The following STK32C variants were observed in gnomAD, a reference collection of about 807,000 sequenced individuals.
The protein encoded by STK32C is serine/threonine-protein kinase 32C.
A neutral mutation model predicts 56.5 loss-of-function variants in STK32C; 31 were observed. The observed-to-expected ratio is 0.55, with a 90% CI of 0.41 to 0.74. The LOEUF (loss-of-function observed/expected upper bound fraction) is 0.74. STK32C is among the 30% of genes least tolerant of loss of function. The pLI, the probability that STK32C is intolerant of heterozygous loss-of-function variation, is 0.00. For missense variants in STK32C, 544 were observed against 676.9 expected (o/e 0.80, Z 2.18); for synonymous variants, 309 against 289.4 (o/e 1.07, Z -0.69).
chr10:132,288,582 A>T (rs2065480094), intron 1 of STK32C, among the ~76,000 whole-genome samples: 1 of 152,258 alleles, frequency 6.6e-6, no homozygotes. Flanking sequence ...AAACTCATTA[A>T]ATCTCAACCT....
chr10:132,275,682 G>C (rs12784998), intron 1 of STK32C, among the ~76,000 whole-genome samples: 1 of 152,210 alleles, frequency 6.6e-6, no homozygotes, highest in South Asian at 2.1e-4. Context: ...TCATGCCGCA[G>C]GGATGAGGAC....
upstream of STK32C, among the ~76,000 whole-genome samples, chr10:132,308,346 A>T (rs368230465): frequency 1.3e-5 from 2 of 152,126 alleles, no homozygotes; most frequent in East Asian, 3.9e-4. Flanking sequence ...CGGCGGCGGG[A>T]CCTTCTCGCG....
intron 1 of STK32C, among the ~76,000 whole-genome samples, chr10:132,287,131 C>T (rs549846160): frequency 1.2e-4 from 18 of 152,200 alleles, no homozygotes; most frequent in Non-Finnish European, 2.1e-4. Context: ...AGCTAGGAAA[C>T]GGTGCTGAGA....
At chr10:132,242,564 C>T (rs1158611189) in intron 2 of STK32C, among the ~76,000 whole-genome samples, 2 of 152,096 alleles carry the variant, frequency 1.3e-5, no homozygotes, top group Non-Finnish European at 2.9e-5. Context: ...GGATCCACCC[C>T]CGCCTCAGGC....
intron 1 of STK32C, among the ~76,000 whole-genome samples, chr10:132,257,993 G>A (rs771889284): frequency 9.2e-5 from 14 of 152,184 alleles, no homozygotes; most frequent in Admixed American, 4.6e-4. Flanking sequence ...CACCTGCCCC[G>A]GGAAATCGGT....
At chr10:132,301,714 C>T (rs529408493) in intron 1 of STK32C, among the ~76,000 whole-genome samples, 22 of 152,228 alleles carry the variant, frequency 1.4e-4, no homozygotes, top group Non-Finnish European at 2.5e-4. Context: ...AGGAGCTGCA[C>T]GTCGGCCACG....
chr10:132,321,111 T>G (rs573798914), downstream of STK32C, among the ~76,000 whole-genome samples: 1 of 152,144 alleles, frequency 6.6e-6, no homozygotes, highest in Admixed American at 6.5e-5. Context: ...GCCTGACTGG[T>G]CAAAGGGATG....
intron 1 of STK32C, among the ~76,000 whole-genome samples, chr10:132,329,198 T>C (rs1452759653): frequency 6.6e-6 from 1 of 152,238 alleles, no homozygotes; most frequent in Non-Finnish European, 1.5e-5. Flanking sequence ...GTGGATGGCT[T>C]GAGCTCAGGA....
At chr10:132,217,137 A>C (rs1324356918) in intron 10 of STK32C, among the ~76,000 whole-genome samples, 1 of 152,244 alleles carries the variant, frequency 6.6e-6, no homozygotes. Flanking sequence ...AGCAGCCGGG[A>C]GGAAGGCTGT....
At chr10:132,261,826 T>C (rs185052572) in intron 1 of STK32C, among the ~76,000 whole-genome samples, 1 of 152,260 alleles carries the variant, frequency 6.6e-6, no homozygotes, top group Non-Finnish European at 1.5e-5. Flanking sequence ...CATCCCATGC[T>C]AACAGATTGG....
At chr10:132,293,170 C>A (rs1022534257) in intron 1 of STK32C, among the ~76,000 whole-genome samples, 1 of 152,200 alleles carries the variant, frequency 6.6e-6, no homozygotes, top group African/African-American at 2.4e-5. Context: ...GGCCTGGGGC[C>A]AGGGGGCTGG....
At chr10:132,300,482 G>A (rs960832126) in intron 1 of STK32C, among the ~76,000 whole-genome samples, 1 of 152,260 alleles carries the variant, frequency 6.6e-6, no homozygotes, top group Admixed American at 6.5e-5. Context: ...CTCCTGCCCA[G>A]CCATGCTGAT....
chr10:132,238,671 G>A (rs895263552), intron 2 of STK32C, among the ~76,000 whole-genome samples: 1 of 152,120 alleles, frequency 6.6e-6, no homozygotes, highest in Non-Finnish European at 1.5e-5. Flanking sequence ...AAAGGCAAGT[G>A]TTTCTGATCT....
intron 2 of STK32C, among the ~76,000 whole-genome samples, chr10:132,235,083 ATGAACTGTGTGAGTGGTG>A (rs1459912162): frequency 6.6e-6 from 1 of 152,024 alleles, no homozygotes; most frequent in African/African-American, 2.4e-5. Context: ...TGTGACTGGT[ATGAACTGTGTGAGTGGTG>A]TGAGCTGTGT....
chr10:132,263,406 A>T (rs1182134931), intron 1 of STK32C, among the ~76,000 whole-genome samples: 2 of 152,148 alleles, frequency 1.3e-5, no homozygotes, highest in Non-Finnish European at 2.9e-5. Flanking sequence ...ACGTGGACAT[A>T]AAGACAGGAA....
chr10:132,332,019 A>G (rs928431764), upstream of STK32C: 16 of 337,708 alleles, frequency 4.7e-5, no homozygotes, highest in Non-Finnish European at 7.3e-5. Context: ...GCGCAGGGGC[A>G]CCCACACCCC....
chr10:132,291,796 C>T (rs1321193999), intron 1 of STK32C, among the ~76,000 whole-genome samples: 2 of 151,018 alleles, frequency 1.3e-5, no homozygotes, highest in African/African-American at 4.9e-5. Flanking sequence ...CACTGAAGAC[C>T]CTCAGGCTGC....
At chr10:132,331,826 G>A (rs200894466) in exon 1 of STK32C, 2 of 1,543,976 alleles carry the variant, frequency 1.3e-6, no homozygotes, top group Non-Finnish European at 1.8e-6. Context: ...ACCCCTTCAA[G>A]GCCGCGGGCG....
At chr10:132,325,153 T>C (rs2066471093) in intron 1 of STK32C, among the ~76,000 whole-genome samples, 1 of 152,122 alleles carries the variant, frequency 6.6e-6, no homozygotes, top group African/African-American at 2.4e-5. Flanking sequence ...TTCCCACATG[T>C]TGTGGGAGGG....
Sources: allele counts gnomAD v4.1 joint callset (sites outside exome capture counted in the v4.1 genomes callset), GRCh38; gene constraint gnomAD v4.1.1; transcripts MANE v1.5; gene names NCBI Gene and HGNC (gene_info 2026-07-23, HGNC 2026-07-21).